PEPD: variants seen among roughly 807,000 people sequenced by gnomAD.
The protein encoded by PEPD is xaa-Pro dipeptidase.
In PEPD, 53 loss-of-function variants were observed where a neutral mutation model predicts 60.7. The ratio of observed to expected loss-of-function variants is 0.87; its 90% CI spans 0.70 to 1.10. The LOEUF (loss-of-function observed/expected upper bound fraction) is 1.10. Among genes scored for constraint, PEPD ranks in the 50% least tolerant of loss-of-function variants. The probability of loss-of-function intolerance (pLI) is 0.00; values close to 1 mark genes in which losing one functional copy is unlikely to be tolerated. For missense variants in PEPD, 711 were observed against 711.9 expected (o/e 1.00, Z 0.01); for synonymous variants, 267 against 284.1 (o/e 0.94, Z 0.60).
chr19:33,485,100 G>A lies in PEPD; in HGVS notation c.503+4896C>T, dbSNP rs192756876. 3.9e-3 allele frequency among the ~76,000 whole-genome samples: 592 copies of A among 152,236 alleles called. 1 individual carries two copies. Among genetic ancestry groups the A allele is most frequent in the South Asian group, 6.6e-3 (32 of 4,828 alleles). On this transcript the variant is annotated intron_variant, in intron 6 of 14. Coordinates refer to ENST00000244137, the MANE Select transcript of PEPD (RefSeq NM_000285.4). ...TTCCGGGCATATCTCACCCAAAGAT[G>A]AGGCAGCCCCTCCACTCTGCTCCCT...
At chr19:33,486,087 C>T (rs995525528) in intron 6 of PEPD, among the ~76,000 whole-genome samples, 6 of 152,148 alleles carry the variant, frequency 3.9e-5, no homozygotes, top group Admixed American at 2.6e-4. Flanking sequence ...AAAACCTGCC[C>T]TAACGTCTAC....
chr19:33,488,873 C>T (rs1970444604), intron 6 of PEPD, among the ~76,000 whole-genome samples: 2 of 152,102 alleles, frequency 1.3e-5, no homozygotes. Context: ...GACATGGGGG[C>T]TGTAGGGGAT....
At chr19:33,443,881 A>G (rs1349367063) in intron 9 of PEPD, among the ~76,000 whole-genome samples, 2 of 147,858 alleles carry the variant, frequency 1.4e-5, no homozygotes, top group Non-Finnish European at 3.0e-5. Context: ...ATGCGCGTGC[A>G]CACACACACA....
chr19:33,507,137 G>A (rs968844849), intron 3 of PEPD, among the ~76,000 whole-genome samples: 2 of 152,110 alleles, frequency 1.3e-5, no homozygotes, highest in Non-Finnish European at 2.9e-5. Context: ...TATGGCCCTG[G>A]GAAGGCTGAG....
intron 9 of PEPD, among the ~76,000 whole-genome samples, chr19:33,449,279 G>A (rs1207071855): frequency 6.6e-6 from 1 of 152,176 alleles, no homozygotes; most frequent in Non-Finnish European, 1.5e-5. Flanking sequence ...AACCTAAACC[G>A]TTCCTCCCCC....
intron 12 of PEPD, among the ~76,000 whole-genome samples, chr19:33,393,236 T>TCTGGCGTGGGGGAGGCCGTC (rs1568446633): frequency 1.6e-4 from 5 of 32,002 alleles, no homozygotes; most frequent in African/African-American, 5.2e-4. Flanking sequence ...CGTCCCGGGG[T>TCTGGCGTGGGGGAGGCCGTC]CTGGGGTCTG....
chr19:33,398,762 G>A (rs1163936125), intron 12 of PEPD, among the ~76,000 whole-genome samples: 1 of 152,252 alleles, frequency 6.6e-6, no homozygotes, highest in Non-Finnish European at 1.5e-5. Context: ...TGCTTCCCAT[G>A]GCTGAAGAGT....
At chr19:33,492,238 C>G (rs543980712) in intron 5 of PEPD, among the ~76,000 whole-genome samples, 30 of 152,182 alleles carry the variant, frequency 2.0e-4, no homozygotes, top group African/African-American at 7.2e-4. Flanking sequence ...CCAGAGCCCA[C>G]CTCGCACCCC....
chr19:33,502,001 A>T (rs952721449), intron 3 of PEPD, among the ~76,000 whole-genome samples: 6 of 152,016 alleles, frequency 3.9e-5, no homozygotes, highest in African/African-American at 1.4e-4. Context: ...GCCCTCGTCC[A>T]CCTCCTGATG....
Position 33,521,765 on chromosome 19 carries a change from G to A in PEPD, c.-5C>T, listed in dbSNP as rs368370973. ...TCACCCGGTGGCCGCCGCCATGTTCGCCCGGCACCGGCGTCACGTGAAGTG... is the reference window on the plus strand; with the variant it reads ...TCACCCGGTGGCCGCCGCCATGTTCACCCGGCACCGGCGTCACGTGAAGTG... On this transcript the variant is annotated 5_prime_UTR_variant, in exon 1 of 15. Coordinates refer to ENST00000244137, the MANE Select transcript of PEPD (RefSeq NM_000285.4). The A allele has an allele frequency of 1.8e-5, 28 of 1,576,302 alleles. No homozygotes were observed. The East Asian group carries it at 2.1e-4, about 12-fold the overall frequency.
chr19:33,438,733 T>C (rs1420789005), intron 9 of PEPD, among the ~76,000 whole-genome samples: 2 of 152,242 alleles, frequency 1.3e-5, no homozygotes, highest in Non-Finnish European at 2.9e-5. Context: ...CCTGCCCTTT[T>C]GAGACGGAGT....
At chr19:33,398,576 G>A (rs1417081475) in intron 12 of PEPD, among the ~76,000 whole-genome samples, 1 of 152,210 alleles carries the variant, frequency 6.6e-6, no homozygotes, top group Non-Finnish European at 1.5e-5. Flanking sequence ...CACAGGCCAC[G>A]CTCACCTGCC....
chr19:33,392,118 C>T (rs1417578875), intron 12 of PEPD, among the ~76,000 whole-genome samples: 5 of 152,006 alleles, frequency 3.3e-5, no homozygotes, highest in Non-Finnish European at 5.9e-5. Context: ...TTCGGGGCCC[C>T]GCCTGCCAAC....
intron 6 of PEPD, among the ~76,000 whole-genome samples, chr19:33,481,384 T>C (rs764020666): frequency 4.1e-5 from 6 of 147,060 alleles, no homozygotes; most frequent in East Asian, 2.0e-4. Flanking sequence ...CTGGCCAACA[T>C]TGCAAAACCC....
chr19:33,403,565 T>C lies in PEPD; in HGVS notation c.819-1696A>G, dbSNP rs114226452. Among the ~76,000 whole-genome samples the C allele has an allele frequency of 8.3e-3, 1,262 of 151,912 alleles. 19 individuals are homozygous for C. The highest frequency in any genetic ancestry group is 0.029 in the African/African-American group (1,214 of 41,368). On this transcript the variant is annotated intron_variant, in intron 11 of 14. Transcript: ENST00000244137. ...TGCCTGTGCGCCTGCCTGTGGGGGG[T>C]CCTGTCCCATGGGAGGGAGCCAGGG...
intron 5 of PEPD, 112 bp from the exon 6 acceptor site, chr19:33,490,169 G>T (rs1299535934): frequency 2.7e-6 from 2 of 754,590 alleles, no homozygotes; most frequent in Non-Finnish European, 4.7e-6. Flanking sequence ...ATCCCCTCCT[G>T]CCTTCCCCCA....
chr19:33,432,010 A>AAAAAAAAAAAAAAAAG (rs1031542443), intron 9 of PEPD, among the ~76,000 whole-genome samples: 4 of 147,516 alleles, frequency 2.7e-5, no homozygotes, highest in African/African-American at 1.0e-4. Flanking sequence ...AAAAAAAAAA[A>AAAAAAAAAAAAAAAAG]GGGAAGATTA....
rs1970518877 is a variant in PEPD, at chr19:33,492,381, C to T, written c.441+909G>A. ...AGGGTGGGAATAAACTTTCTTTTTT[C>T]CTTTTTAAATTTTTTATTTTTAGTT... On this transcript the variant is annotated intron_variant, in intron 5 of 14. Transcript: ENST00000244137. Among the ~76,000 whole-genome samples, 3 of 151,984 alleles carry T rather than the reference C, an allele frequency of 2.0e-5. No individual in the cohort carries two copies. In the South Asian group the frequency reaches 6.2e-4, roughly 31 times the overall value.
chr19:33,467,904 A>G (rs1374629541), intron 7 of PEPD, among the ~76,000 whole-genome samples: 2 of 152,178 alleles, frequency 1.3e-5, no homozygotes, highest in African/African-American at 4.8e-5. Flanking sequence ...TGTTAGCTGG[A>G]TGTACCAGGC....
Sources: allele counts gnomAD v4.1 joint callset (sites outside exome capture counted in the v4.1 genomes callset), GRCh38; gene constraint gnomAD v4.1.1; transcripts MANE v1.5; gene names NCBI Gene and HGNC (gene_info 2026-07-23, HGNC 2026-07-21).